TTN: variants seen among roughly 807,000 people sequenced by gnomAD.
TTN encodes titin, also known as connectin.
In TTN, 1,525 loss-of-function variants were observed where a neutral mutation model predicts 3,223.0. That is an observed-to-expected ratio of 0.47 (90% CI 0.45 to 0.49). The LOEUF is 0.49. Among genes scored for constraint, TTN ranks in the 20% least tolerant of loss-of-function variants. The probability of loss-of-function intolerance (pLI) is 0.00; values close to 1 mark genes in which losing one functional copy is unlikely to be tolerated. For synonymous variants in TTN, 14,094 were observed against 15,161.0 expected, an observed-to-expected ratio of 0.93 and a Z score of 5.17; for missense variants, 40,786 against 43,424.0, an observed-to-expected ratio of 0.94 and a Z score of 5.40.
chr2:178,571,377 G>C lies in TTN; in HGVS notation c.74755C>G (p.Leu24919Val). Residue 24919 changes from leucine to valine, a missense_variant, in exon 326 of 363, where the codon CTG becomes GTG. Transcript: ENST00000589042. ...PGPPGTPVVT[L>V]SSRDSMEVQW... ...ACTTCCATGCTGTCCCTGGAGGACA[G>C]TGTGACAACTGGAGTGCCAGGAGGA... 1.9e-6 allele frequency: 3 copies of C among 1,613,398 alleles called. No homozygotes were observed. Among genetic ancestry groups the C allele is most frequent in the Non-Finnish European group, 2.5e-6 (3 of 1,179,566 alleles).
At position 178,696,047 on chromosome 2, in the gene TTN, T is replaced by A; in HGVS notation, c.31025A>T (p.Asp10342Val). 1 of 1,551,030 alleles carries A rather than the reference T, an allele frequency of 6.4e-7. No homozygotes were observed. The highest frequency in any genetic ancestry group is 8.7e-7 in the Non-Finnish European group (1 of 1,146,566). Residue 10342 changes from aspartate to valine, a missense_variant, in exon 114 of 363, where the codon GAT becomes GTT. By Grantham distance (152) the Asp-to-Val change is radical. Coordinates refer to ENST00000589042, the MANE Select transcript of TTN (RefSeq NM_001267550.2). ...PFEQPYYEEP[D>V]EDYEEIKVEA... ...TACCTTAATCTCTTCATAGTCTTCA[T>A]CTGGTTCTTCATAATAAGGTTGTTC... is the stretch of plus-strand genomic sequence containing the variant.
In TTN at chr2:178,530,368, A is replaced by C; in HGVS notation, c.106247T>G (p.Ile35416Ser). The C allele has an allele frequency of 1.2e-6, 2 of 1,613,982 alleles. No homozygotes were observed. The highest frequency in any genetic ancestry group is 1.7e-6 in the Non-Finnish European group (2 of 1,179,872). The change falls in exon 358 of 363, where the codon ATT becomes AGT. Residue 35416 changes from isoleucine to serine, a missense_variant. Ile to Ser is a moderately radical substitution (Grantham distance 142). Transcript: ENST00000589042. The stretch of plus-strand genomic sequence containing the variant: ...AGTAACAATTACTGGTTTTGAGGAA[A>C]TTGGTTCAGGAGCTTTTGGTTCAGT... Reference protein sequence around the residue: ...RKTEPKAPEPISSKPVIVTGL... With the variant: ...RKTEPKAPEPSSSKPVIVTGL...
chr2:178,539,213 C>A lies in TTN; in HGVS notation c.98722G>T (p.Asp32908Tyr). Reference sequence around the variant, plus strand: ...AAGCTAACAGAACTCTTGGTTACATCGAGTACTTCTGGAGGATTGCTTGGA... The same window carrying A: ...AAGCTAACAGAACTCTTGGTTACATAGAGTACTTCTGGAGGATTGCTTGGA... ...EPPSNPPEVL[D>Y]VTKSSVSLSW... Residue 32908 changes from aspartate (D) to tyrosine (Y), a missense_variant, in exon 353 of 363, where the codon GAT (aspartate) becomes TAT (tyrosine). By Grantham distance (160) the Asp-to-Tyr change is radical (BLOSUM62 -3). Transcript: ENST00000589042. The A allele has an allele frequency of 6.2e-7, 1 of 1,613,668 alleles. No homozygotes were observed. The highest frequency in any genetic ancestry group is 8.5e-7 in the Non-Finnish European group (1 of 1,179,712).
intron 124 of TTN, 69 bp downstream of exon 124, chr2:178,689,221 C>A (rs2071703655): frequency 2.5e-6 from 4 of 1,593,394 alleles, no homozygotes; most frequent in Non-Finnish European, 3.4e-6. Flanking sequence ...CCACAGTGCA[C>A]TCATATCACA....
At position 178,586,774 on chromosome 2, in the gene TTN, G is replaced by C. The variant is rs1437293840; in HGVS notation, c.64127C>G (p.Thr21376Ser). 6 of 1,612,866 alleles carry C rather than the reference G, an allele frequency of 3.7e-6. No homozygotes were observed. The highest frequency in any genetic ancestry group is 5.1e-6 in the Non-Finnish European group (6 of 1,179,244). ...EPDPPRKLEV[T>S]EMTKNSATLA... ...GGTGGCACTGTTCTTGGTCATTTCA[G>C]TCACTTCTAATTTCCTTGGGGGATC... Residue 21376 changes from threonine to serine, a missense_variant, in exon 308 of 363, where the codon ACT (threonine) becomes AGT (serine). Physicochemically the swap from Thr to Ser is moderately conservative, Grantham distance 58 (BLOSUM62 1). Transcript: ENST00000589042.
chr2:178,692,008 TGGC>T lies in TTN; in HGVS notation c.31762+5_31762+7del, dbSNP rs397517538. 310 of 1,609,428 alleles carry T rather than the reference TGGC, an allele frequency of 1.9e-4. No individual in the cohort carries two copies. The highest frequency in any genetic ancestry group is 2.3e-4 in the Non-Finnish European group (273 of 1,177,736). On this transcript the variant is annotated splice_donor_5th_base_variant and intron_variant, in intron 121 of 362. Transcript: ENST00000589042. ...CAAAGAGTCTCCCCATCATTGGCTC[TGGC>T]GTACCTTTTGGGGGAGCAGCAGGTT...
At chr2:178,782,690 C>A in intron 18 of TTN, 88 bp from the exon 19 acceptor site, 1 of 1,603,724 alleles carries the variant, frequency 6.2e-7, no homozygotes, top group East Asian at 2.2e-5. Context: ...TATAATCTCC[C>A]CCCAAGTTCC....
chr2:178,804,579 T>TCC lies in TTN; in HGVS notation c.63_64insGG (p.Thr22GlyfsTer17). ...CTAATGTGAGCCTCAAAGGTTGCGG[T>TCC]ACTACCCTCCAGTACCACAACGCTT... On this transcript the variant is annotated frameshift_variant, in exon 2 of 363. Transcript: ENST00000589042. LOFTEE classifies it high-confidence loss of function. 6.2e-7 allele frequency: 1 copy of TCC among 1,614,012 alleles called. No individual in the cohort carries two copies. Among genetic ancestry groups the TCC allele is most frequent in the Non-Finnish European group, 8.5e-7 (1 of 1,179,950 alleles).
At position 178,526,774 on chromosome 2, in the gene TTN, A is replaced by C; in HGVS notation, c.*238T>G. On this transcript the variant is annotated 3_prime_UTR_variant, in exon 363 of 363. Coordinates refer to ENST00000589042, the MANE Select transcript of TTN (RefSeq NM_001267550.2). ...AAATGTCATAAAATAAATGGTACAA[A>C]ACTTTATAACCGTTAATCCGGCTAT... 2.7e-6 allele frequency: 1 copy of C among 365,100 alleles called. No homozygotes were observed. 22.6% of individuals were successfully genotyped at this position (365,100 alleles called of 1,614,324 possible). A position where few individuals can be genotyped will look rare whatever the true frequency, so the allele number is the denominator to read the frequency against.
At chr2:178,529,783 A>C (rs773009671) in intron 359 of TTN, among the ~76,000 whole-genome samples, 177 bp downstream of exon 359, 3 of 152,250 alleles carry the variant, frequency 2.0e-5, no homozygotes, top group Non-Finnish European at 4.4e-5. Context: ...CTCATAGAAA[A>C]GCATATGCTA....
At chr2:178,624,801 T>G in intron 241 of TTN, 70 bp from the exon 242 acceptor site, 1 of 1,561,010 alleles carries the variant, frequency 6.4e-7, no homozygotes, top group Non-Finnish European at 8.7e-7. Flanking sequence ...CTTCTCAACT[T>G]TCCCCTGCCA....
Position 178,599,312 on chromosome 2 carries a change from A to G in TTN, c.56481T>C (p.Ala18827=). The G allele has an allele frequency of 6.2e-7, 1 of 1,610,006 alleles. No homozygotes were observed. The highest frequency in any genetic ancestry group is 8.5e-7 in the Non-Finnish European group (1 of 1,178,374). Reference sequence around the variant, plus strand: ...AGACATGGACCCATGTCTTCCTGTTAGCTTCTCTTTTCTCAATTACATAGT... The same window carrying G: ...AGACATGGACCCATGTCTTCCTGTTGGCTTCTCTTTTCTCAATTACATAGT... ...ITNYVIEKRE[A]NRKTWVHVSS... is the part of the protein sequence containing the mutation. The change falls in exon 290 of 363, where the codon GCT becomes GCC. Residue 18827 remains alanine, a synonymous_variant. Transcript: ENST00000589042.
Position 178,589,079 on chromosome 2 carries a change from A to G in TTN, c.62646T>C (p.Thr20882=). 6.2e-7 allele frequency: 1 copy of G among 1,609,926 alleles called. No individual in the cohort carries two copies. Among genetic ancestry groups the G allele is most frequent in the Middle Eastern group, 1.7e-4 (1 of 6,060 alleles). The change falls in exon 304 of 363, where the codon ACT becomes ACC. Residue 20882 remains threonine (T), a synonymous_variant. Coordinates refer to ENST00000589042, the MANE Select transcript of TTN (RefSeq NM_001267550.2). ...KIVDVSSDRC[T]VCWDPPEDDG... The stretch of plus-strand genomic sequence containing the variant: ...CATCTTCTGGTGGATCCCAGCAAAC[A>G]GTACACCTATCACTGGACACATCAA...
chr2:178,659,465 C>A (rs2064336609), intron 180 of TTN, among the ~76,000 whole-genome samples: 1 of 145,788 alleles, frequency 6.9e-6, no homozygotes, highest in African/African-American at 2.5e-5. Context: ...TCAATAGATG[C>A]AGAAAGGGCC....
chr2:178,617,342 G>T lies in TTN; in HGVS notation c.47743C>A (p.Pro15915Thr). 6.3e-7 allele frequency: 1 copy of T among 1,580,754 alleles called. No homozygotes were observed. The highest frequency in any genetic ancestry group is 8.6e-7 in the Non-Finnish European group (1 of 1,166,784). ...NWIRCNMKLV[P>T]ELTYKVTGLE... ...TGACCTACCTTGTAAGTCAGTTCAG[G>T]GACAAGTTTCATATTGCAACGAATC... The change falls in exon 254 of 363, where the codon CCT (proline) becomes ACT (threonine). Residue 15915 changes from proline to threonine, a missense_variant. Physicochemically the swap from Pro to Thr is conservative, Grantham distance 38 (BLOSUM62 -1). Transcript: ENST00000589042.
Position 178,664,441 on chromosome 2 carries a change from A to G in TTN, c.36280+19T>C, listed in dbSNP as rs1246798519. 1.3e-6 allele frequency: 2 copies of G among 1,587,086 alleles called. No individual in the cohort carries two copies. The highest frequency in any genetic ancestry group is 1.7e-6 in the Non-Finnish European group (2 of 1,166,526). ...GCCCCACCCACTATCCCACCATAAAAAGACAGTTAAGAATGTACCTTTGAC... is the reference window on the plus strand; with the variant it reads ...GCCCCACCCACTATCCCACCATAAAGAGACAGTTAAGAATGTACCTTTGAC... On this transcript the variant is annotated intron_variant, in intron 168 of 362. Transcript: ENST00000589042.
At chr2:178,679,772 A>C in intron 140 of TTN, 90 bp from the exon 141 acceptor site, 1 of 1,538,456 alleles carries the variant, frequency 6.5e-7, no homozygotes, top group Non-Finnish European at 8.8e-7. Context: ...TCAGCATCTA[A>C]AAATATCTGC....
intron 112 of TTN, 133 bp downstream of exon 112, chr2:178,698,710 G>A (rs558885421): frequency 1.1e-5 from 9 of 812,814 alleles, no homozygotes; most frequent in African/African-American, 7.2e-5. Context: ...AGACGAGGGC[G>A]AAAGTGAGTG....
Position 178,712,832 on chromosome 2 carries a change from A to G in TTN, c.27193T>C (p.Cys9065Arg), listed in dbSNP as rs201229221. The change falls in exon 94 of 363, where the codon TGC (cysteine) becomes CGC (arginine). Residue 9065 changes from cysteine to arginine, a missense_variant. Coordinates refer to ENST00000589042, the MANE Select transcript of TTN (RefSeq NM_001267550.2). ...ACTGAATCCTCCAAAGACACGTTGCATCTGTCACCTGGTACTAGTTCACTG... is the reference window on the plus strand; with the variant it reads ...ACTGAATCCTCCAAAGACACGTTGCGTCTGTCACCTGGTACTAGTTCACTG... The part of the protein sequence containing the change: ...GSSELVPGDR[C>R]NVSLEDSVAE... The G allele has an allele frequency of 1.6e-4, 263 of 1,613,700 alleles. No homozygotes were observed. The highest frequency in any genetic ancestry group is 2.0e-4 in the Non-Finnish European group (239 of 1,179,794).
Sources: allele counts gnomAD v4.1 joint callset (sites outside exome capture counted in the v4.1 genomes callset), GRCh38; gene constraint gnomAD v4.1.1; transcripts MANE v1.5; gene names NCBI Gene and HGNC (gene_info 2026-07-23, HGNC 2026-07-21).